The following PKHD1 variants were observed in gnomAD, a reference collection of about 807,000 sequenced individuals.
PKHD1 encodes PKHD1 ciliary IPT domain containing fibrocystin/polyductin.
Under a neutral mutation model 412.0 loss-of-function variants are expected in PKHD1, and 291 were observed. The ratio of observed to expected loss-of-function variants is 0.71; its 90% CI spans 0.64 to 0.78. The LOEUF is 0.78. PKHD1 is among the 30% of genes least tolerant of loss of function. The pLI, the probability that PKHD1 is intolerant of heterozygous loss-of-function variation, is 0.00. For missense variants in PKHD1, 4,825 were observed against 4,950.7 expected (o/e 0.97, Z 0.76); for synonymous variants, 1,777 against 1,821.5 (o/e 0.98, Z 0.62).
chr6:51,631,665 G>C (rs1425730224), intron 65 of PKHD1, among the ~76,000 whole-genome samples: 1 of 152,042 alleles, frequency 6.6e-6, no homozygotes, highest in South Asian at 2.1e-4. Context: ...TTGGGGGAAT[G>C]GGTGGAATAA....
At chr6:52,059,259 C>CTTTTTTTTTTTTTTTTTTTT (rs55992586) in intron 15 of PKHD1, among the ~76,000 whole-genome samples, 35 of 83,514 alleles carry the variant, frequency 4.2e-4, no homozygotes, top group African/African-American at 1.5e-3. Context: ...TTTTCTTTTT[C>CTTTTTTTTTTTTTTTTTTTT]TTTTTTTTTT....
At chr6:51,789,239 T>C (rs773228897) in intron 53 of PKHD1, among the ~76,000 whole-genome samples, 1 of 152,212 alleles carries the variant, frequency 6.6e-6, no homozygotes, top group Non-Finnish European at 1.5e-5. Context: ...TCTTAAAATA[T>C]GTTCTTATCC....
chr6:51,971,974 C>T lies in PKHD1; in HGVS notation c.5752-11948G>A, dbSNP rs143555726. Among the ~76,000 whole-genome samples the T allele has an allele frequency of 5.7e-3, 870 of 152,174 alleles. 12 individuals are homozygous for T. The highest frequency in any genetic ancestry group is 0.02 in the Middle Eastern group (6 of 294). On this transcript the variant is annotated intron_variant, in intron 35 of 66. Coordinates refer to ENST00000371117, the MANE Select transcript of PKHD1 (RefSeq NM_138694.4). The stretch of plus-strand genomic sequence containing the variant: ...CCCAAGCTCCTGAGCTCAAGCAATC[C>T]GTCCAGCTCGGCCTCCCAAAGTGCT...
At chr6:51,722,059 C>A in intron 60 of PKHD1, 1 of 1,613,354 alleles carries the variant, frequency 6.2e-7, no homozygotes, top group Non-Finnish European at 8.5e-7. Flanking sequence ...ACATTGAAGG[C>A]TCTCCAAAAA....
At chr6:51,753,027 C>T (rs915716415) in intron 57 of PKHD1, among the ~76,000 whole-genome samples, 174 bp downstream of exon 57, 1 of 152,176 alleles carries the variant, frequency 6.6e-6, no homozygotes, top group Admixed American at 6.5e-5. Flanking sequence ...TAACATCACA[C>T]TGATAATTAA....
At chr6:51,972,399 T>C (rs1793800566) in intron 35 of PKHD1, among the ~76,000 whole-genome samples, 1 of 152,246 alleles carries the variant, frequency 6.6e-6, no homozygotes, top group Non-Finnish European at 1.5e-5. Flanking sequence ...TGCCTGGTAT[T>C]TGATAATGTG....
At chr6:51,967,189 G>A (rs924140052) in intron 35 of PKHD1, among the ~76,000 whole-genome samples, 1 of 152,116 alleles carries the variant, frequency 6.6e-6, no homozygotes, top group Non-Finnish European at 1.5e-5. Context: ...AACGAGGTCA[G>A]CAAACTACAG....
In PKHD1 at chr6:52,024,764, G is replaced by A. The variant is rs1176670371; in HGVS notation, c.5046C>T (p.Asn1682=). The A allele has an allele frequency of 4.3e-6, 7 of 1,614,072 alleles. No homozygotes were observed. Among genetic ancestry groups the A allele is most frequent in the Non-Finnish European group, 5.9e-6 (7 of 1,180,020 alleles). Reference sequence around the variant, plus strand: ...GTGACATTCCTATAAAAATGTCAATGTTTGCAGCTCCTGAGATCTGGGCCA... The same window carrying A: ...GTGACATTCCTATAAAAATGTCAATATTTGCAGCTCCTGAGATCTGGGCCA... ...FAVAQISGAA[N]IDIFIGMSPC... The change falls in exon 32 of 67, where the codon AAC becomes AAT. Residue 1682 remains asparagine (N), a synonymous_variant. Transcript: ENST00000371117.
intron 55 of PKHD1, among the ~76,000 whole-genome samples, chr6:51,756,474 C>A (rs1031304008): frequency 6.6e-6 from 1 of 152,066 alleles, no homozygotes; most frequent in Admixed American, 6.6e-5. Flanking sequence ...AAAGAGTATT[C>A]CCACTTTTCA....
At position 51,616,397 on chromosome 6, in the gene PKHD1, C is replaced by A. The variant is rs951426852; in HGVS notation, c.*2684G>T. On this transcript the variant is annotated 3_prime_UTR_variant, in exon 67 of 67. Transcript: ENST00000371117. ...GATTGTCACTGCTGGGAAATATTTG[C>A]TGGGTTACCCATGTTAACGATCTGA... 6 of 322,116 alleles carry A rather than the reference C, an allele frequency of 1.9e-5. No homozygotes were observed. The highest frequency in any genetic ancestry group is 3.3e-5 in the Non-Finnish European group (6 of 179,888). 20.0% of individuals were successfully genotyped at this position (322,116 alleles called of 1,614,324 possible).
intron 66 of PKHD1, among the ~76,000 whole-genome samples, chr6:51,625,140 T>G (rs1353973714): frequency 6.6e-6 from 1 of 152,176 alleles, no homozygotes; most frequent in African/African-American, 2.4e-5. Context: ...AAATTTATAA[T>G]CTGAATCTAG....
intron 54 of PKHD1, among the ~76,000 whole-genome samples, chr6:51,773,110 CCAAACCATTTG>C (rs1269413421): frequency 3.3e-5 from 5 of 152,130 alleles, no homozygotes; most frequent in Non-Finnish European, 5.9e-5. Flanking sequence ...TTACGTGACT[CCAAACCATTTG>C]CAATTCTTTT....
In PKHD1 at chr6:51,903,983, T is replaced by A; in HGVS notation, c.6865+3A>T. On this transcript the variant is annotated splice_donor_region_variant and intron_variant, in intron 42 of 66. Transcript: ENST00000371117. Reference sequence around the variant, plus strand: ...TAGATTTAAAATCAATTTACATATTTACCATCTTTCCTTCCATGAATTGCC... The same window carrying A: ...TAGATTTAAAATCAATTTACATATTAACCATCTTTCCTTCCATGAATTGCC... 1 of 1,556,688 alleles carries A rather than the reference T, an allele frequency of 6.4e-7. No homozygotes were observed.
At chr6:51,666,042 G>A (rs1773708526) in intron 60 of PKHD1, among the ~76,000 whole-genome samples, 1 of 152,116 alleles carries the variant, frequency 6.6e-6, no homozygotes, top group East Asian at 1.9e-4. Context: ...GGGCTAAGAT[G>A]AGGGGCAGGA....
chr6:51,787,540 T>C (rs765072567), intron 53 of PKHD1, among the ~76,000 whole-genome samples: 16 of 152,120 alleles, frequency 1.1e-4, no homozygotes, highest in Non-Finnish European at 1.5e-4. Flanking sequence ...CTTTAGGATG[T>C]GGTAAAATTG....
At chr6:51,704,476 AG>A (rs1779789020) in intron 60 of PKHD1, among the ~76,000 whole-genome samples, 1 of 152,120 alleles carries the variant, frequency 6.6e-6, no homozygotes, top group African/African-American at 2.4e-5. Context: ...GTGGAATTAT[AG>A]ACATTTAGAC....
intron 36 of PKHD1, among the ~76,000 whole-genome samples, chr6:51,935,317 TAA>T (rs199976918): frequency 2.0e-5 from 3 of 152,204 alleles, no homozygotes; most frequent in Admixed American, 6.5e-5. Context: ...ATTTAAAAAT[TAA>T]AAAGATATTT....
intron 35 of PKHD1, among the ~76,000 whole-genome samples, chr6:51,989,901 G>GAGGAAGGAAGGAAGGAAGGAAGGAAAGA (rs1796698131): frequency 7.3e-4 from 2 of 2,748 alleles, no homozygotes; most frequent in Non-Finnish European, 1.3e-3. Context: ...AGGAAGGAGG[G>GAGGAAGGAAGGAAGGAAGGAAGGAAAGA]AGGAAGGAAG....
At chr6:52,060,114 T>A in intron 14 of PKHD1, 72 bp from the exon 15 acceptor site, 1 of 808,538 alleles carries the variant, frequency 1.2e-6, no homozygotes, top group Non-Finnish European at 2.2e-6. Context: ...ATGACTGCCC[T>A]TGTACTTTGT....
Sources: gnomAD v4.1 joint callset for allele counts (sites outside exome capture counted in the v4.1 genomes callset) on GRCh38, gnomAD v4.1.1 for gene constraint, MANE v1.5 for transcripts, NCBI Gene and HGNC (gene_info 2026-07-23, HGNC 2026-07-21) for gene names.